The following BEND4 variants were observed in gnomAD, a reference collection of about 807,000 sequenced individuals.
BEND4 encodes BEN domain containing 4, also known as BEN domain-containing protein 4.
In BEND4, 27 loss-of-function variants were observed where a neutral mutation model predicts 54.7. The observed-to-expected ratio is 0.49, with a 90% CI of 0.36 to 0.68. BEND4 has a LOEUF of 0.68. Among genes scored for constraint, BEND4 ranks in the 30% least tolerant of loss-of-function variants. The probability of loss-of-function intolerance (pLI) is 0.00; values close to 1 mark genes in which losing one functional copy is unlikely to be tolerated. For missense variants in BEND4, 702 were observed against 697.2 expected (o/e 1.01, Z -0.08); for synonymous variants, 327 against 299.5 (o/e 1.09, Z -0.95).
At chr4:42,133,053 G>A (rs1376098645) in intron 3 of BEND4, among the ~76,000 whole-genome samples, 2 of 152,154 alleles carry the variant, frequency 1.3e-5, no homozygotes, top group Non-Finnish European at 2.9e-5. Flanking sequence ...TTAAGAGGAA[G>A]AAAGGAAATA....
At chr4:42,147,152 T>C (rs1721105815) in intron 2 of BEND4, among the ~76,000 whole-genome samples, 1 of 152,206 alleles carries the variant, frequency 6.6e-6, no homozygotes, top group South Asian at 2.1e-4. Flanking sequence ...TGTACAAAAA[T>C]GGCTATTGTC....
intron 5 of BEND4, chr4:42,119,837 A>T (rs1719990131): frequency 1.8e-6 from 1 of 555,788 alleles, no homozygotes; most frequent in South Asian, 2.1e-5. Flanking sequence ...GTGCTATGCG[A>T]TGCTTATGTA....
chr4:42,142,161 C>T (rs1720912050), intron 3 of BEND4, among the ~76,000 whole-genome samples: 1 of 151,202 alleles, frequency 6.6e-6, no homozygotes, highest in Non-Finnish European at 1.5e-5. Flanking sequence ...CCCCCTCGGC[C>T]TCCCAAAGTG....
intron 4 of BEND4, among the ~76,000 whole-genome samples, chr4:42,124,823 G>A (rs1720210970): frequency 6.6e-6 from 1 of 152,208 alleles, no homozygotes; most frequent in Non-Finnish European, 1.5e-5. Flanking sequence ...CAACTTTCAA[G>A]AAGCAAGATG....
At chr4:42,124,194 A>T (rs1720181632) in intron 4 of BEND4, among the ~76,000 whole-genome samples, 1 of 152,058 alleles carries the variant, frequency 6.6e-6, no homozygotes, top group South Asian at 2.1e-4. Context: ...ATCTCTATAA[A>T]AACTAAAAGT....
At chr4:42,126,694 T>C (rs1030843927) in intron 3 of BEND4, among the ~76,000 whole-genome samples, 6 of 151,886 alleles carry the variant, frequency 4.0e-5, no homozygotes, top group Admixed American at 1.3e-4. Context: ...CTTTCAGGAG[T>C]AGTAACTAAT....
intron 4 of BEND4, among the ~76,000 whole-genome samples, chr4:42,123,956 C>A (rs1411575560): frequency 6.6e-6 from 1 of 152,164 alleles, no homozygotes; most frequent in Non-Finnish European, 1.5e-5. Context: ...GATGTATGGG[C>A]AAACCACTGT....
In BEND4 at chr4:42,152,255, G is replaced by C; in HGVS notation, c.-112C>G. ...GGTCTGCCCTGGTGCGCGCGTGTGG[G>C]AGGGTGTGTGTCTGTGCCGTGGCCG... is the stretch of plus-strand genomic sequence containing the variant. On this transcript the variant is annotated 5_prime_UTR_variant, in exon 2 of 6. Coordinates refer to ENST00000502486, the MANE Select transcript of BEND4 (RefSeq NM_207406.4). 1 of 1,099,748 alleles carries C rather than the reference G, an allele frequency of 9.1e-7. No homozygotes were observed. The highest frequency in any genetic ancestry group is 1.1e-6 in the Non-Finnish European group (1 of 871,030). The allele number at this position is 1,099,748 out of a possible 1,614,324, so 68.1% of individuals were successfully genotyped here.
chr4:42,152,210 C>A lies in BEND4; in HGVS notation c.-67G>T. The A allele has an allele frequency of 8.2e-7, 1 of 1,224,216 alleles. No homozygotes were observed. The highest frequency in any genetic ancestry group is 1.0e-6 in the Non-Finnish European group (1 of 976,172). 75.8% of individuals were successfully genotyped at this position (1,224,216 alleles called of 1,614,324 possible). A position where few individuals can be genotyped will look rare whatever the true frequency, so the allele number is the denominator to read the frequency against. ...CGCCGGGCGCCGGGCTCCGAGGGTGCCTCCGCCGCCTGCCCGCCGGGTCTG... is the reference window on the plus strand; with the variant it reads ...CGCCGGGCGCCGGGCTCCGAGGGTGACTCCGCCGCCTGCCCGCCGGGTCTG... On this transcript the variant is annotated 5_prime_UTR_variant, in exon 2 of 6. Coordinates refer to ENST00000502486, the MANE Select transcript of BEND4 (RefSeq NM_207406.4).
chr4:42,117,591 T>A lies in BEND4; in HGVS notation c.1532A>T (p.Tyr511Phe), dbSNP rs557302008. The A allele has an allele frequency of 2.5e-6, 4 of 1,613,252 alleles. No homozygotes were observed. The Admixed American group carries it at 5.0e-5, about 20-fold the overall frequency. Residue 511 changes from tyrosine to phenylalanine, a missense_variant, in exon 6 of 6, where the codon TAT becomes TTT. By Grantham distance (22) the Tyr-to-Phe change is conservative. Transcript: ENST00000502486. ...GTFLHNGGSFYEGIDHQASQD... is the reference protein window; with the variant it reads ...GTFLHNGGSFFEGIDHQASQD... ...AGAAGCCTGGTGATCGATCCCTTCATAAAATGAGCCACCGTTGTGCAGGAA... is the reference window on the plus strand; with the variant it reads ...AGAAGCCTGGTGATCGATCCCTTCAAAAAATGAGCCACCGTTGTGCAGGAA...
At chr4:42,136,991 CTA>C (rs1474725524) in intron 3 of BEND4, among the ~76,000 whole-genome samples, 2 of 152,188 alleles carry the variant, frequency 1.3e-5, no homozygotes, top group Non-Finnish European at 2.9e-5. Flanking sequence ...TTAATATTCT[CTA>C]TGTGGTACTC....
intron 3 of BEND4, among the ~76,000 whole-genome samples, chr4:42,127,608 T>C (rs981044904): frequency 2.0e-5 from 3 of 152,190 alleles, no homozygotes; most frequent in Non-Finnish European, 4.4e-5. Context: ...TTTTCACTGA[T>C]TGTGTGACCT....
intron 3 of BEND4, among the ~76,000 whole-genome samples, chr4:42,131,205 A>C (rs1720496319): frequency 6.6e-6 from 1 of 152,204 alleles, no homozygotes; most frequent in Non-Finnish European, 1.5e-5. Context: ...CATCCTGCAC[A>C]TGTATCCCGG....
rs1339719695 is a variant in BEND4 at position 42,151,531 on chromosome 4, T to C, written c.487+126A>G. The C allele has an allele frequency of 1.1e-5, 11 of 1,015,962 alleles. No individual in the cohort carries two copies. The Admixed American group carries it at 1.3e-4, about 12-fold the overall frequency. 62.9% of individuals were successfully genotyped at this position (1,015,962 alleles called of 1,614,324 possible). A position where few individuals can be genotyped will look rare whatever the true frequency, so the allele number is the denominator to read the frequency against. ...TCCGGGTGCGCGGGGAGGCCCCAGG[T>C]GCGCCCCGACATCCCGACACGGCCC... On this transcript the variant is annotated intron_variant, in intron 2 of 5. Coordinates refer to ENST00000502486, the MANE Select transcript of BEND4 (RefSeq NM_207406.4).
intron 4 of BEND4, among the ~76,000 whole-genome samples, chr4:42,121,701 C>T (rs1720065641): frequency 6.6e-6 from 1 of 152,124 alleles, no homozygotes; most frequent in Admixed American, 6.5e-5. Context: ...AGTCCTTCAG[C>T]CCCGGTTGCA....
At position 42,112,332 on chromosome 4, in the gene BEND4, A is replaced by G. The variant is rs766670420; in HGVS notation, c.*5186T>C. 6.6e-5 allele frequency: 10 copies of G among 152,132 alleles called. No individual in the cohort carries two copies. Among genetic ancestry groups the G allele is most frequent in the Admixed American group, 6.6e-4 (10 of 15,264 alleles). The allele number at this position is 152,132 out of a possible 1,614,324, so 9.4% of individuals were successfully genotyped here. A position where few individuals can be genotyped will look rare whatever the true frequency, so the allele number is the denominator to read the frequency against. ...TTATCCAAGTAACTGTCACACAATAACTCAATAGATAGATATTAACTATAG... is the reference window on the plus strand; with the variant it reads ...TTATCCAAGTAACTGTCACACAATAGCTCAATAGATAGATATTAACTATAG... On this transcript the variant is annotated 3_prime_UTR_variant, in exon 6 of 6. Transcript: ENST00000502486.
chr4:42,123,670 T>G (rs1720145644), intron 4 of BEND4, among the ~76,000 whole-genome samples: 1 of 133,116 alleles, frequency 7.5e-6, no homozygotes, highest in Non-Finnish European at 1.5e-5. Context: ...TTTAAGCATA[T>G]ATTTACTTTG....
chr4:42,140,229 T>G (rs1479153398), intron 3 of BEND4, among the ~76,000 whole-genome samples: 25 of 152,176 alleles, frequency 1.6e-4, no homozygotes. Context: ...TTTCCTTTGA[T>G]CAAGTTTTCA....
chr4:42,141,696 G>A (rs534440636), intron 3 of BEND4, among the ~76,000 whole-genome samples: 3 of 152,076 alleles, frequency 2.0e-5, no homozygotes, highest in Non-Finnish European at 2.9e-5. Flanking sequence ...AGCCAAGACG[G>A]CACCACTGCA....
Sources: gnomAD v4.1 joint callset for allele counts (sites outside exome capture counted in the v4.1 genomes callset) on GRCh38, gnomAD v4.1.1 for gene constraint, MANE v1.5 for transcripts, NCBI Gene and HGNC (gene_info 2026-07-23, HGNC 2026-07-21) for gene names.